Variants in LINGO2 observed in about 807,000 individuals in gnomAD.
The protein encoded by LINGO2 is leucine-rich repeat and immunoglobulin-like domain-containing nogo receptor-interacting protein 2.
A neutral mutation model predicts 30.6 loss-of-function variants in LINGO2; 14 were observed. The observed-to-expected ratio is 0.46, with a 90% CI of 0.30 to 0.72. LINGO2 has a LOEUF of 0.72. Ranked by LOEUF, LINGO2 falls within the 30% of genes least tolerant of loss-of-function variation. LINGO2 has a pLI of 0.07. For missense variants in LINGO2, 729 were observed against 751.7 expected, an observed-to-expected ratio of 0.97 and a Z score of 0.35; for synonymous variants, 317 against 288.5, an observed-to-expected ratio of 1.10 and a Z score of -1.00.
intron 2 of LINGO2, among the ~76,000 whole-genome samples, chr9:28,379,219 G>GT (rs1222105585): frequency 1.3e-5 from 2 of 152,082 alleles, no homozygotes; most frequent in Non-Finnish European, 2.9e-5. Flanking sequence ...GCCATAAAAT[G>GT]TTTTTCAGAT....
At chr9:29,119,577 CT>C in the LINGO2 span, among the ~76,000 whole-genome samples, 7,694 of 82,732 alleles carry the variant, frequency 0.093, 100 homozygotes, top group Non-Finnish European at 0.11. Context: ...CAGTTGTCAT[CT>C]TTTTTTTTTT....
intron 3 of LINGO2, among the ~76,000 whole-genome samples, chr9:28,302,403 G>T (rs1266011957): frequency 1.3e-5 from 2 of 152,172 alleles, no homozygotes; most frequent in Non-Finnish European, 2.9e-5. Flanking sequence ...TTTAGGCTGG[G>T]AGCAATGGCT....
chr9:29,079,668 T>C, the LINGO2 span, among the ~76,000 whole-genome samples: 5 of 151,906 alleles, frequency 3.3e-5, no homozygotes, highest in Non-Finnish European at 7.4e-5. Flanking sequence ...CTTAAAGAGC[T>C]CCATTGCCTA....
chr9:28,685,074 G>C, the LINGO2 span, among the ~76,000 whole-genome samples: 39 of 152,232 alleles, frequency 2.6e-4, no homozygotes, highest in South Asian at 8.3e-4. Context: ...CTGAGAACAT[G>C]TGGTATCTGG....
At chr9:28,241,650 C>T (rs1301309969) in intron 4 of LINGO2, among the ~76,000 whole-genome samples, 1 of 152,098 alleles carries the variant, frequency 6.6e-6, no homozygotes, top group East Asian at 1.9e-4. Context: ...ATGGGTCCTG[C>T]TTCCTATGCC....
chr9:28,850,820 G>A, the LINGO2 span, among the ~76,000 whole-genome samples: 14 of 151,956 alleles, frequency 9.2e-5, no homozygotes, highest in Non-Finnish European at 1.9e-4. Context: ...TGAGTCTCTG[G>A]TTGTGAGAAG....
the LINGO2 span, among the ~76,000 whole-genome samples, chr9:29,078,608 C>T: frequency 5.3e-5 from 8 of 152,014 alleles, no homozygotes; most frequent in East Asian, 5.8e-4. Context: ...TCCTCAGCTT[C>T]AGTTCTCAAA....
chr9:28,164,450 C>T (rs1029104802), intron 4 of LINGO2, among the ~76,000 whole-genome samples: 1 of 152,142 alleles, frequency 6.6e-6, no homozygotes, highest in African/African-American at 2.4e-5. Flanking sequence ...ACTTTTATCT[C>T]CATCTTAGAG....
At chr9:28,561,681 G>A (rs1186398374) in intron 1 of LINGO2, among the ~76,000 whole-genome samples, 2 of 100,368 alleles carry the variant, frequency 2.0e-5, no homozygotes, top group African/African-American at 3.4e-5. Context: ...ATATATAAAT[G>A]TATTATATAT....
At chr9:28,955,825 T>C in the LINGO2 span, among the ~76,000 whole-genome samples, 2 of 152,086 alleles carry the variant, frequency 1.3e-5, no homozygotes, top group South Asian at 2.1e-4. Flanking sequence ...TGTATGTATG[T>C]AGAGATAAGG....
intron 3 of LINGO2, among the ~76,000 whole-genome samples, chr9:28,348,563 G>A (rs1819694265): frequency 6.6e-6 from 1 of 152,180 alleles, no homozygotes; most frequent in East Asian, 1.9e-4. Context: ...GCGGCAGCGA[G>A]GCTGGGGGAG....
chr9:28,095,828 A>C (rs1445021792), intron 4 of LINGO2, among the ~76,000 whole-genome samples: 1 of 152,196 alleles, frequency 6.6e-6, no homozygotes. Flanking sequence ...AAGGGCTAAC[A>C]TCAGAATCTA....
the LINGO2 span, among the ~76,000 whole-genome samples, chr9:28,717,613 C>A: frequency 6.6e-6 from 1 of 152,016 alleles, no homozygotes; most frequent in Admixed American, 6.6e-5. Context: ...TAAACAATGC[C>A]AATGAATTCA....
the LINGO2 span, among the ~76,000 whole-genome samples, chr9:29,007,946 C>T: frequency 6.6e-6 from 1 of 152,052 alleles, no homozygotes; most frequent in East Asian, 1.9e-4. Context: ...TTAAATTATA[C>T]TTTAAGTTCT....
At chr9:28,988,413 G>C in the LINGO2 span, among the ~76,000 whole-genome samples, 16 of 152,144 alleles carry the variant, frequency 1.1e-4, no homozygotes, top group Non-Finnish European at 7.4e-5. Context: ...TTCAGTCTAT[G>C]TGTGTCCCTG....
chr9:29,192,349 C>T, the LINGO2 span, among the ~76,000 whole-genome samples: 1 of 152,148 alleles, frequency 6.6e-6, no homozygotes, highest in East Asian at 1.9e-4. Context: ...TTTTATTATT[C>T]TAAAATTATA....
the LINGO2 span, among the ~76,000 whole-genome samples, chr9:29,127,431 T>C: frequency 6.6e-6 from 1 of 152,088 alleles, no homozygotes; most frequent in African/African-American, 2.4e-5. Flanking sequence ...CTCTGCTCCA[T>C]ACAGGGGAAC....
At chr9:28,542,812 G>A (rs981357467) in intron 1 of LINGO2, among the ~76,000 whole-genome samples, 2 of 152,014 alleles carry the variant, frequency 1.3e-5, no homozygotes, top group African/African-American at 4.8e-5. Context: ...TCCTGGTTAT[G>A]CTGAGGTGAG....
At chr9:28,685,121 C>T in the LINGO2 span, among the ~76,000 whole-genome samples, 1 of 152,160 alleles carries the variant, frequency 6.6e-6, no homozygotes, top group African/African-American at 2.4e-5. Flanking sequence ...AGGATAATGG[C>T]TTCTAGCCCT....
Sources: gnomAD v4.1 joint callset for allele counts (sites outside exome capture counted in the v4.1 genomes callset) on GRCh38, gnomAD v4.1.1 for gene constraint, MANE v1.5 for transcripts, NCBI Gene and HGNC (gene_info 2026-07-23, HGNC 2026-07-21) for gene names.